The following CERS3 variants were observed in gnomAD, a reference collection of about 807,000 sequenced individuals.
CERS3 encodes ceramide synthase 3.
In CERS3, 33 loss-of-function variants were observed where a neutral mutation model predicts 50.3. That is an observed-to-expected ratio of 0.66 (90% CI 0.50 to 0.88). The LOEUF (loss-of-function observed/expected upper bound fraction) is 0.88. CERS3 is among the 40% of genes least tolerant of loss of function. The pLI is 0.00. For missense variants in CERS3, 470 were observed against 460.3 expected (o/e 1.02, Z -0.19); for synonymous variants, 176 against 155.2 (o/e 1.13, Z -0.99).
chr15:100,491,139 C>G (rs1044232105), intron 3 of CERS3, among the ~76,000 whole-genome samples: 1 of 151,732 alleles, frequency 6.6e-6, no homozygotes, highest in Non-Finnish European at 1.5e-5. Context: ...AAAACACTTG[C>G]ACAATTCTAA....
chr15:100,467,509 C>A (rs908432973), intron 10 of CERS3, among the ~76,000 whole-genome samples: 2 of 151,764 alleles, frequency 1.3e-5, no homozygotes, highest in East Asian at 3.9e-4. Context: ...GCCCTCAAAG[C>A]CTAAAATATA....
chr15:100,448,240 A>G (rs913406844), intron 11 of CERS3, among the ~76,000 whole-genome samples: 5 of 152,322 alleles, frequency 3.3e-5, no homozygotes, highest in East Asian at 3.9e-4. Context: ...TCCTCCACAG[A>G]GGAACCAAAT....
chr15:100,467,887 A>G lies in CERS3; in HGVS notation c.845+1491T>C, dbSNP rs369205612. On this transcript the variant is annotated intron_variant, in intron 10 of 11. Transcript: ENST00000679737. The stretch of plus-strand genomic sequence containing the variant: ...GATAGATAGATAGATAGATATAGAT[A>G]TAGATATAGATATATTTAAAGACAG... Among the ~76,000 whole-genome samples the G allele has an allele frequency of 2.9e-4, 12 of 40,936 alleles. 2 individuals carry two copies. The highest frequency in any genetic ancestry group is 6.2e-4 in the Non-Finnish European group (8 of 12,886). 26.9% of individuals were successfully genotyped at this position (40,936 alleles called of 152,430 possible). A position where few individuals can be genotyped will look rare whatever the true frequency, so the allele number is the denominator to read the frequency against.
intron 2 of CERS3, among the ~76,000 whole-genome samples, chr15:100,517,126 G>A (rs1007210194): frequency 2.6e-5 from 4 of 152,156 alleles, no homozygotes; most frequent in African/African-American, 7.2e-5. Context: ...AATAGCTAAC[G>A]GATCTAGGAC....
At chr15:100,522,102 C>T (rs1007712059) in intron 1 of CERS3, among the ~76,000 whole-genome samples, 2 of 152,250 alleles carry the variant, frequency 1.3e-5, no homozygotes, top group East Asian at 1.9e-4. Context: ...GGTCAGTTAA[C>T]TTTGTGACTC....
intron 1 of CERS3, among the ~76,000 whole-genome samples, chr15:100,542,760 A>C (rs988307147): frequency 7.9e-5 from 12 of 152,158 alleles, no homozygotes; most frequent in African/African-American, 2.9e-4. Context: ...ATCATGATCT[A>C]ATACAAATAC....
chr15:100,494,297 G>A (rs558360154), intron 3 of CERS3, among the ~76,000 whole-genome samples: 5 of 143,694 alleles, frequency 3.5e-5, no homozygotes, highest in Admixed American at 7.1e-5. Context: ...GCCCAGGCTG[G>A]AGTGCAGTGG....
chr15:100,452,623 CA>C (rs1458805827), intron 11 of CERS3, among the ~76,000 whole-genome samples: 1 of 151,376 alleles, frequency 6.6e-6, no homozygotes, highest in Non-Finnish European at 1.5e-5. Context: ...AAACCAAATG[CA>C]AAATTAATAG....
rs896199343 is a variant in CERS3 at position 100,453,121 on chromosome 15, G to A, written c.999+2772C>T. Among the ~76,000 whole-genome samples the A allele has an allele frequency of 2.7e-5, 4 of 150,300 alleles. No homozygotes were observed. In the South Asian group the frequency reaches 8.4e-4, roughly 31 times the overall value. ...TAAACTATTCAAAAAAAAAAATTAA[G>A]TGGAGGGAATTCTCCCTAACTCATT... is the stretch of plus-strand genomic sequence containing the variant. On this transcript the variant is annotated intron_variant, in intron 11 of 11. Transcript: ENST00000679737.
In CERS3 at chr15:100,456,053, C is replaced by T. The variant is rs745361372; in HGVS notation, c.846-7G>A. The T allele has an allele frequency of 6.3e-7, 1 of 1,591,892 alleles. No homozygotes were observed. The highest frequency in any genetic ancestry group is 2.3e-5 in the East Asian group (1 of 43,800). ...CAGCGTGCAATATAAAATCCTGAAA[C>T]ACCAAACAGTTGAGAGAATTTCATT... On this transcript the variant is annotated splice_polypyrimidine_tract_variant and splice_region_variant and intron_variant, in intron 10 of 11. Transcript: ENST00000679737.
At chr15:100,480,618 A>G (rs1249658888) in intron 5 of CERS3, among the ~76,000 whole-genome samples, 1 of 152,234 alleles carries the variant, frequency 6.6e-6, no homozygotes, top group East Asian at 1.9e-4. Flanking sequence ...GATCTTATTT[A>G]GATCCTGATT....
At chr15:100,403,298 T>C (rs1166610430) in intron 11 of CERS3, among the ~76,000 whole-genome samples, 2 of 152,146 alleles carry the variant, frequency 1.3e-5, no homozygotes, top group Non-Finnish European at 2.9e-5. Context: ...TACATGTTTA[T>C]ATTCAATAAG....
intron 11 of CERS3, among the ~76,000 whole-genome samples, chr15:100,442,257 G>C (rs1327690372): frequency 6.6e-6 from 1 of 152,064 alleles, no homozygotes; most frequent in South Asian, 2.1e-4. Context: ...GACCCTAAAA[G>C]GTCAAAAGGG....
At chr15:100,522,489 A>C (rs145144632) in intron 1 of CERS3, among the ~76,000 whole-genome samples, 2 of 152,182 alleles carry the variant, frequency 1.3e-5, no homozygotes, top group Admixed American at 1.3e-4. Flanking sequence ...ACTCTTCCTC[A>C]TGCCTCTCCC....
chr15:100,508,963 G>A (rs1304053271), intron 2 of CERS3, among the ~76,000 whole-genome samples: 3 of 152,076 alleles, frequency 2.0e-5, no homozygotes, highest in Non-Finnish European at 4.4e-5. Flanking sequence ...TGAAATATTT[G>A]CAAGAAAAAT....
At chr15:100,533,269 C>T (rs557253891), upstream of CERS3, among the ~76,000 whole-genome samples, 3 of 152,308 alleles carry the variant, frequency 2.0e-5, no homozygotes, top group East Asian at 5.8e-4. Flanking sequence ...CTTACTGTAT[C>T]TCTTATCTGC....
At chr15:100,427,724 A>T (rs1361495732) in intron 11 of CERS3, among the ~76,000 whole-genome samples, 1 of 152,240 alleles carries the variant, frequency 6.6e-6, no homozygotes, top group African/African-American at 2.4e-5. Flanking sequence ...GAAATTTTTC[A>T]ATAGGTAGAA....
At chr15:100,446,660 C>G (rs1269465505) in intron 11 of CERS3, among the ~76,000 whole-genome samples, 1 of 152,100 alleles carries the variant, frequency 6.6e-6, no homozygotes, top group African/African-American at 2.4e-5. Context: ...GATAGTAACA[C>G]CTAAATGTGA....
intron 1 of CERS3, among the ~76,000 whole-genome samples, chr15:100,523,194 T>C (rs2036687921): frequency 2.0e-5 from 3 of 152,220 alleles, no homozygotes; most frequent in Non-Finnish European, 4.4e-5. Flanking sequence ...CAAAATTGCC[T>C]TGTTTCTGTT....
Sources: gnomAD v4.1 joint callset for allele counts (sites outside exome capture counted in the v4.1 genomes callset) on GRCh38, gnomAD v4.1.1 for gene constraint, MANE v1.5 for transcripts, NCBI Gene and HGNC (gene_info 2026-07-23, HGNC 2026-07-21) for gene names.